FAM13A: variants seen among roughly 807,000 people sequenced by gnomAD.
FAM13A encodes the protein protein FAM13A.
In FAM13A, 76 loss-of-function variants were observed where a neutral mutation model predicts 129.6. The ratio of observed to expected loss-of-function variants is 0.59; its 90% CI spans 0.49 to 0.71. FAM13A has a LOEUF of 0.71. FAM13A is among the 30% of genes least tolerant of loss of function. The pLI is 0.00. For synonymous variants in FAM13A, 443 were observed against 449.9 expected, an observed-to-expected ratio of 0.98 and a Z score of 0.20; for missense variants, 1,108 against 1,249.3, an observed-to-expected ratio of 0.89 and a Z score of 1.70.
At chr4:88,841,795 A>T (rs1561137806) in intron 7 of FAM13A, among the ~76,000 whole-genome samples, 2 of 152,188 alleles carry the variant, frequency 1.3e-5, no homozygotes, top group African/African-American at 4.8e-5. Context: ...TGAAACTGGA[A>T]CCATCAAACA....
At chr4:89,039,422 C>A (rs1270849868) in intron 1 of FAM13A, among the ~76,000 whole-genome samples, 1 of 152,136 alleles carries the variant, frequency 6.6e-6, no homozygotes, top group African/African-American at 2.4e-5. Flanking sequence ...AGTATGAGAT[C>A]TACTTAATAA....
In FAM13A at chr4:88,851,048, C is replaced by G; in HGVS notation, c.979G>C (p.Gly327Arg). Residue 327 changes from glycine (G) to arginine (R), a missense_variant, in exon 7 of 24, where the codon GGT becomes CGT. Physicochemically the swap from Gly to Arg is moderately radical, Grantham distance 125 (BLOSUM62 -2). Transcript: ENST00000264344. Reference sequence around the variant, plus strand: ...GGTACCAACTTGGCACTAATAGCACCCTCTGCTGAATTCATGTCTTCCAAG... The same window carrying G: ...GGTACCAACTTGGCACTAATAGCACGCTCTGCTGAATTCATGTCTTCCAAG... ...ACLEDMNSAE[G>R]AISAKLVPSS... 1 of 1,613,908 alleles carries G rather than the reference C, an allele frequency of 6.2e-7. No homozygotes were observed. The highest frequency in any genetic ancestry group is 8.5e-7 in the Non-Finnish European group (1 of 1,179,954).
chr4:88,740,998 A>C (rs1740128221), intron 19 of FAM13A, among the ~76,000 whole-genome samples: 1 of 152,226 alleles, frequency 6.6e-6, no homozygotes, highest in African/African-American at 2.4e-5. Context: ...CACACCTACC[A>C]CAGAGCTGAA....
intron 4 of FAM13A, among the ~76,000 whole-genome samples, chr4:88,965,595 G>C (rs2148931004): frequency 6.6e-6 from 1 of 152,006 alleles, no homozygotes; most frequent in Non-Finnish European, 1.5e-5. Flanking sequence ...GATGAAATTT[G>C]CCATCTTAAT....
At chr4:88,744,842 G>T (rs943150679) in intron 19 of FAM13A, among the ~76,000 whole-genome samples, 1 of 152,094 alleles carries the variant, frequency 6.6e-6, no homozygotes, top group Non-Finnish European at 1.5e-5. Flanking sequence ...CCCTGGACCA[G>T]AAATTAATGA....
intron 1 of FAM13A, among the ~76,000 whole-genome samples, chr4:89,050,841 T>A (rs528051295): frequency 6.6e-6 from 1 of 152,072 alleles, no homozygotes; most frequent in East Asian, 1.9e-4. Flanking sequence ...AGCAGGAGAA[T>A]TGTTCGAACT....
At chr4:88,743,607 G>A (rs750082190) in intron 19 of FAM13A, among the ~76,000 whole-genome samples, 2 of 152,222 alleles carry the variant, frequency 1.3e-5, no homozygotes, top group East Asian at 1.9e-4. Context: ...ATCTTTAACC[G>A]TGATGATTTT....
At chr4:88,764,219 CTTGT>C (rs1331019745) in intron 13 of FAM13A, among the ~76,000 whole-genome samples, 1 of 151,474 alleles carries the variant, frequency 6.6e-6, no homozygotes, top group Non-Finnish European at 1.5e-5. Flanking sequence ...TTATGAATGT[CTTGT>C]TTGTTATCAA....
At chr4:88,789,554 G>C (rs1724683088) in intron 9 of FAM13A, among the ~76,000 whole-genome samples, 1 of 152,138 alleles carries the variant, frequency 6.6e-6, no homozygotes, top group East Asian at 1.9e-4. Flanking sequence ...GCAAGGAGCT[G>C]TTCTGTCATT....
chr4:88,816,345 T>C (rs1730720915), intron 7 of FAM13A, among the ~76,000 whole-genome samples: 1 of 152,210 alleles, frequency 6.6e-6, no homozygotes, highest in African/African-American at 2.4e-5. Flanking sequence ...AGTAAATTAC[T>C]TGCAATTTTT....
intron 4 of FAM13A, among the ~76,000 whole-genome samples, chr4:88,979,170 T>C (rs978708795): frequency 2.6e-4 from 39 of 152,212 alleles, no homozygotes; most frequent in Admixed American, 6.5e-4. Flanking sequence ...TTTCATTTAT[T>C]ATATTGGCAA....
intron 7 of FAM13A, among the ~76,000 whole-genome samples, chr4:88,849,778 C>G (rs940987246): frequency 4.6e-5 from 7 of 152,074 alleles, no homozygotes; most frequent in African/African-American, 7.2e-5. Context: ...GGTTAACCAC[C>G]CAAACATTTG....
chr4:88,835,527 A>C (rs1734666553), intron 7 of FAM13A, among the ~76,000 whole-genome samples: 1 of 152,106 alleles, frequency 6.6e-6, no homozygotes, highest in African/African-American at 2.4e-5. Flanking sequence ...GTTTATTTCT[A>C]TTATTATTGC....
rs777309976 is a variant in FAM13A at position 88,938,108 on chromosome 4, C to T, written c.739G>A (p.Ala247Thr). 6.2e-7 allele frequency: 1 copy of T among 1,613,266 alleles called. No individual in the cohort carries two copies. Among genetic ancestry groups the T allele is most frequent in the East Asian group, 2.2e-5 (1 of 44,858 alleles). Reference protein sequence around the residue: ...ENDHLRCENLARLIIVKEVYY... With the variant: ...ENDHLRCENLTRLIIVKEVYY... The stretch of plus-strand genomic sequence containing the variant: ...CTTACTTTTACTATGATAAGCCTAG[C>T]CAGGTTTTCACATCTCAGATGATCA... The change falls in exon 5 of 24, where the codon GCT becomes ACT. Residue 247 changes from alanine to threonine, a missense_variant. Transcript: ENST00000264344.
chr4:89,029,338 A>G, intron 2 of FAM13A, 122 bp downstream of exon 2: 2 of 783,678 alleles, frequency 2.6e-6, no homozygotes, highest in Non-Finnish European at 4.2e-6. Context: ...ACAATAACTT[A>G]ATATTCTAAT....
At chr4:88,842,301 G>A (rs372871113) in intron 7 of FAM13A, among the ~76,000 whole-genome samples, 1 of 152,174 alleles carries the variant, frequency 6.6e-6, no homozygotes, top group Non-Finnish European at 1.5e-5. Context: ...GCAGAGATAC[G>A]GAACTGTGAA....
intron 4 of FAM13A, among the ~76,000 whole-genome samples, chr4:88,961,215 C>G (rs1422802235): frequency 6.6e-6 from 1 of 151,928 alleles, no homozygotes; most frequent in Non-Finnish European, 1.5e-5. Flanking sequence ...GCAATGAAAG[C>G]TTTAAAACAA....
At chr4:88,947,957 C>G (rs942302274) in intron 4 of FAM13A, among the ~76,000 whole-genome samples, 1 of 151,984 alleles carries the variant, frequency 6.6e-6, no homozygotes, top group African/African-American at 2.4e-5. Context: ...ACTATATTAA[C>G]GGTGTTAAAA....
chr4:88,866,750 A>C (rs1740532568), intron 6 of FAM13A, among the ~76,000 whole-genome samples: 1 of 152,124 alleles, frequency 6.6e-6, no homozygotes, highest in African/African-American at 2.4e-5. Context: ...AGCAGTTGGA[A>C]CCTCTATACT....
Sources: gnomAD v4.1 joint callset for allele counts (sites outside exome capture counted in the v4.1 genomes callset) on GRCh38, gnomAD v4.1.1 for gene constraint, MANE v1.5 for transcripts, NCBI Gene and HGNC (gene_info 2026-07-23, HGNC 2026-07-21) for gene names.